The following VPS13D variants were observed in gnomAD, a reference collection of about 807,000 sequenced individuals.
VPS13D encodes the protein vacuolar protein sorting 13 homolog D, also known as intermembrane lipid transfer protein VPS13D.
Under a neutral mutation model 461.9 loss-of-function variants are expected in VPS13D, and 187 were observed. That is an observed-to-expected ratio of 0.40 (90% CI 0.36 to 0.46). The LOEUF (loss-of-function observed/expected upper bound fraction) is 0.46, where lower values mean the gene tolerates loss of function less well. Among genes scored for constraint, VPS13D ranks in the 20% least tolerant of loss-of-function variants. The pLI is 0.60. For synonymous variants in VPS13D, 1,951 were observed against 1,986.3 expected (o/e 0.98, Z 0.47); for missense variants, 4,711 against 5,364.9 (o/e 0.88, Z 3.81).
intron 65 of VPS13D, among the ~76,000 whole-genome samples, chr1:12,455,286 A>G (rs749109568): frequency 6.6e-6 from 1 of 152,212 alleles, no homozygotes; most frequent in Admixed American, 6.5e-5. Flanking sequence ...GATGTCTCCA[A>G]ATATTTGATA....
At position 12,499,669 on chromosome 1, in the gene VPS13D, A is replaced by G. The variant is rs188108926; in HGVS notation, c.12794+2038A>G. On this transcript the variant is annotated intron_variant, in intron 68 of 69. Coordinates refer to ENST00000620676, the MANE Select transcript of VPS13D (RefSeq NM_015378.4). ...AATGAATTTTGACTTTAAAGATGAA[A>G]ACCATGTGTCTCCACCCAAGTTGTG... is the stretch of plus-strand genomic sequence containing the variant. 2.6e-4 allele frequency: 256 copies of G among 985,442 alleles called. 5 individuals are homozygous for G. The Admixed American group carries it at 0.015, about 58-fold the overall frequency. The allele number at this position is 985,442 out of a possible 1,614,324, so 61.0% of individuals were successfully genotyped here.
chr1:12,256,476 G>A lies in VPS13D; in HGVS notation c.813G>A (p.Leu271=). ...CCCGTATTGATTGTGATATTCAGCTGGAGACCATTCCCTTGAAACTCTCTC... is the reference window on the plus strand; with the variant it reads ...CCCGTATTGATTGTGATATTCAGCTAGAGACCATTCCCTTGAAACTCTCTC... The part of the protein sequence containing the change: ...HSPRIDCDIQ[L]ETIPLKLSQL... The change falls in exon 8 of 70, where the codon CTG becomes CTA. Residue 271 remains leucine (L), a synonymous_variant. Transcript: ENST00000620676. 6.2e-7 allele frequency: 1 copy of A among 1,614,052 alleles called. No homozygotes were observed. The highest frequency in any genetic ancestry group is 8.5e-7 in the Non-Finnish European group (1 of 1,179,988).
chr1:12,364,255 A>G (rs1341801188), intron 52 of VPS13D, among the ~76,000 whole-genome samples: 1 of 152,014 alleles, frequency 6.6e-6, no homozygotes, highest in African/African-American at 2.4e-5. Context: ...ACCATGTTCT[A>G]CTTGGTGTCT....
chr1:12,314,213 G>A lies in VPS13D; in HGVS notation c.7034G>A (p.Arg2345His), dbSNP rs925389528. The change falls in exon 30 of 70, where the codon CGT becomes CAT. Residue 2345 changes from arginine (R) to histidine (H), a missense_variant. Physicochemically the swap from Arg to His is conservative, Grantham distance 29. Around this residue, in one of 3 missense-constraint regions of VPS13D, gnomAD observed 4,411 missense variants for 4,937.8 expected, o/e 0.89. Coordinates refer to ENST00000620676, the MANE Select transcript of VPS13D (RefSeq NM_015378.4). ...CATTCCATGATGGCTTTTGACACCC[G>A]TTATGCTGGGCAGAAGACCAGCCCT... ...VSHSMMAFDT[R>H]YAGQKTSPGM... The A allele has an allele frequency of 1.2e-6, 2 of 1,614,036 alleles. No individual in the cohort carries two copies. The highest frequency in any genetic ancestry group is 8.5e-7 in the Non-Finnish European group (1 of 1,180,006).
At chr1:12,281,162 T>G (rs1041127523) in intron 20 of VPS13D, among the ~76,000 whole-genome samples, 5 of 152,166 alleles carry the variant, frequency 3.3e-5, no homozygotes, top group East Asian at 3.8e-4. Flanking sequence ...ACTAGGTGCT[T>G]CTTCTTACAT....
intron 65 of VPS13D, among the ~76,000 whole-genome samples, chr1:12,429,332 A>G (rs1458554082): frequency 1.3e-5 from 2 of 151,064 alleles, no homozygotes; most frequent in African/African-American, 4.9e-5. Context: ...CACTCTTGTC[A>G]CCCAGGCTGG....
At chr1:12,370,625 C>T (rs889612311) in intron 54 of VPS13D, among the ~76,000 whole-genome samples, 2 of 152,108 alleles carry the variant, frequency 1.3e-5, no homozygotes, top group Non-Finnish European at 2.9e-5. Flanking sequence ...GTTGACGTTC[C>T]CTTTGGGAAC....
intron 20 of VPS13D, among the ~76,000 whole-genome samples, chr1:12,281,925 T>C (rs1452817903): frequency 6.6e-6 from 1 of 151,954 alleles, no homozygotes; most frequent in African/African-American, 2.4e-5. Flanking sequence ...TCTCACTCTG[T>C]GGCCCAGGCT....
intron 22 of VPS13D, among the ~76,000 whole-genome samples, chr1:12,290,536 C>A (rs1159670419): frequency 6.6e-6 from 1 of 152,048 alleles, no homozygotes; most frequent in Non-Finnish European, 1.5e-5. Context: ...TCCTGGCTAA[C>A]ACGGTGAAAC....
chr1:12,279,558 A>G lies in VPS13D; in HGVS notation c.4510A>G (p.Arg1504Gly), dbSNP rs1330079355. ...QFKLEKIPIE[R>G]ESELTFSLSP... is the part of the protein sequence containing the mutation. Reference sequence around the variant, plus strand: ...TAAACTGGAGAAGATCCCTATAGAGAGAGAATCTGAATTGACTTTTTCTCT... The same window carrying G: ...TAAACTGGAGAAGATCCCTATAGAGGGAGAATCTGAATTGACTTTTTCTCT... Residue 1504 changes from arginine to glycine, a missense_variant, in exon 20 of 70, where the codon AGA (arginine) becomes GGA (glycine). Coordinates refer to ENST00000620676, the MANE Select transcript of VPS13D (RefSeq NM_015378.4). The surrounding 1 kb of genome is among the most constrained non-coding windows in gnomAD (Gnocchi z 4.3). The G allele has an allele frequency of 1.9e-6, 3 of 1,613,460 alleles. No homozygotes were observed. Among genetic ancestry groups the G allele is most frequent in the Non-Finnish European group, 1.7e-6 (2 of 1,179,550 alleles).
chr1:12,429,633 A>G (rs1472114254), intron 65 of VPS13D, among the ~76,000 whole-genome samples: 1 of 152,194 alleles, frequency 6.6e-6, no homozygotes, highest in Non-Finnish European at 1.5e-5. Flanking sequence ...TTTCCCCCCA[A>G]ACATATCTGT....
intron 27 of VPS13D, among the ~76,000 whole-genome samples, chr1:12,309,830 T>C (rs1642683176): frequency 1.3e-5 from 2 of 151,958 alleles, no homozygotes; most frequent in African/African-American, 4.8e-5. Context: ...TTTGAATCTC[T>C]TTTTGGCCAC....
chr1:12,254,121 C>T (rs541589365), intron 7 of VPS13D, among the ~76,000 whole-genome samples: 34 of 152,268 alleles, frequency 2.2e-4, no homozygotes, highest in African/African-American at 7.7e-4. Context: ...TTTGTACTTC[C>T]AATTCATTGC....
chr1:12,474,951 AT>A (rs552592768), intron 67 of VPS13D, among the ~76,000 whole-genome samples: 163 of 147,374 alleles, frequency 1.1e-3, no homozygotes, highest in South Asian at 3.6e-3. Flanking sequence ...ACTAATGCAG[AT>A]TTTTTTTTTT....
At chr1:12,352,650 A>G (rs1643821484) in intron 46 of VPS13D, among the ~76,000 whole-genome samples, 1 of 152,202 alleles carries the variant, frequency 6.6e-6, no homozygotes, top group Non-Finnish European at 1.5e-5. Context: ...CTTTGGAGAA[A>G]TGTGTGGCAA....
chr1:12,274,433 A>T (rs1411171216), intron 18 of VPS13D, among the ~76,000 whole-genome samples: 1 of 150,578 alleles, frequency 6.6e-6, no homozygotes, highest in Non-Finnish European at 1.5e-5. Flanking sequence ...TGTCTTGGCG[A>T]CCCAAAGTGC....
chr1:12,411,129 A>G (rs1644721698), intron 63 of VPS13D, among the ~76,000 whole-genome samples: 1 of 152,260 alleles, frequency 6.6e-6, no homozygotes, highest in African/African-American at 2.4e-5. Flanking sequence ...GATCTTTTTG[A>G]AAAAGAAGTA....
chr1:12,488,669 CAAAAAAAAAAAA>C (rs79424685), intron 67 of VPS13D, among the ~76,000 whole-genome samples: 1 of 82,820 alleles, frequency 1.2e-5, no homozygotes, highest in Non-Finnish European at 2.5e-5. Context: ...TCATTTGAAC[CAAAAAAAAAAAA>C]AAAAAAAAAA....
rs956543133 is a variant in VPS13D, at chr1:12,495,980, T to A, written c.12663-1520T>A. 2.6e-5 allele frequency among the ~76,000 whole-genome samples: 4 copies of A among 152,210 alleles called. No homozygotes were observed. The highest frequency in any genetic ancestry group is 9.6e-5 in the African/African-American group (4 of 41,458). On this transcript the variant is annotated intron_variant, in intron 67 of 69. Coordinates refer to ENST00000620676, the MANE Select transcript of VPS13D (RefSeq NM_015378.4). This position sits in a 1 kb window ranked among gnomAD's most constrained non-coding sequence, Gnocchi z 4.0. ...AGCAGTCGTCCAGCTTCTCTCCTGA[T>A]GGGTTAGCAGCGGCCCCTCTACCGC... is the stretch of plus-strand genomic sequence containing the variant.
Sources: allele counts gnomAD v4.1 joint callset (sites outside exome capture counted in the v4.1 genomes callset), GRCh38; gene constraint gnomAD v4.1.1; regional missense constraint gnomAD v4.1.1; non-coding constraint Gnocchi (gnomAD v3.1); transcripts MANE v1.5; gene names NCBI Gene and HGNC (gene_info 2026-07-23, HGNC 2026-07-21).